Variants in STPG2 observed in about 807,000 individuals in gnomAD.
The protein encoded by STPG2 is sperm tail PG-rich repeat containing 2.
STPG2 carries 56 observed loss-of-function variants against 54.2 expected under a neutral mutation model. The ratio of observed to expected loss-of-function variants is 1.03; its 90% CI spans 0.83 to 1.29. The LOEUF is 1.29. Ranked by LOEUF, STPG2 falls within the 50% of genes most tolerant of loss-of-function variation. The pLI, the probability that STPG2 is intolerant of heterozygous loss-of-function variation, is 0.00. For missense variants in STPG2, 596 were observed against 544.9 expected (o/e 1.09, Z -0.93); for synonymous variants, 200 against 181.8 (o/e 1.10, Z -0.81).
intron 9 of STPG2, among the ~76,000 whole-genome samples, chr4:97,840,166 A>G (rs924699353): frequency 6.6e-6 from 1 of 151,406 alleles, no homozygotes; most frequent in Admixed American, 6.6e-5. Flanking sequence ...TTCTTTCTTT[A>G]TATTTGAAAA....
intron 5 of STPG2, among the ~76,000 whole-genome samples, chr4:98,060,341 C>T (rs1737605876): frequency 6.6e-6 from 1 of 152,022 alleles, no homozygotes; most frequent in African/African-American, 2.4e-5. Context: ...AATAAAATAC[C>T]TAGGAATACA....
chr4:97,771,567 T>C (rs984220819), intron 9 of STPG2, among the ~76,000 whole-genome samples: 1 of 152,040 alleles, frequency 6.6e-6, no homozygotes, highest in African/African-American at 2.4e-5. Context: ...TAGGTGAGCA[T>C]AGCTAGGCAC....
At chr4:97,448,037 G>T (rs1341536903) in intron 4 of STPG2, among the ~76,000 whole-genome samples, 9 of 152,200 alleles carry the variant, frequency 5.9e-5, no homozygotes, top group Admixed American at 3.9e-4. Context: ...TGGAGTCAAA[G>T]GAGATTATTT....
At chr4:97,799,511 C>T (rs1242748280) in intron 9 of STPG2, among the ~76,000 whole-genome samples, 2 of 152,162 alleles carry the variant, frequency 1.3e-5, no homozygotes, top group Non-Finnish European at 1.5e-5. Flanking sequence ...AATATTGGCC[C>T]CCACTCTCTT....
chr4:97,751,142 C>T (rs180753953), intron 9 of STPG2, among the ~76,000 whole-genome samples: 1 of 151,970 alleles, frequency 6.6e-6, no homozygotes, highest in Admixed American at 6.6e-5. Context: ...TTTAACAACA[C>T]TTCTTCCTTG....
intron 5 of STPG2, among the ~76,000 whole-genome samples, chr4:98,097,001 G>A (rs1738879303): frequency 6.6e-6 from 1 of 152,098 alleles, no homozygotes; most frequent in African/African-American, 2.4e-5. Context: ...GTAAAGAAAA[G>A]CCTGGGACGT....
intron 9 of STPG2, among the ~76,000 whole-genome samples, chr4:97,763,797 C>T (rs1460704848): frequency 6.6e-6 from 1 of 152,084 alleles, no homozygotes; most frequent in African/African-American, 2.4e-5. Context: ...TTATCAATAG[C>T]AATCAGTATG....
At chr4:97,841,813 G>GA (rs998974261) in intron 8 of STPG2, among the ~76,000 whole-genome samples, 4 of 151,686 alleles carry the variant, frequency 2.6e-5, no homozygotes, top group Non-Finnish European at 4.4e-5. Context: ...TGAAAAGTGA[G>GA]AAAAATGATA....
At chr4:97,906,393 G>C (rs536765914) in intron 8 of STPG2, among the ~76,000 whole-genome samples, 1 of 152,170 alleles carries the variant, frequency 6.6e-6, no homozygotes, top group African/African-American at 2.4e-5. Context: ...CAACCAAAAA[G>C]AGTCCAGGAC....
At chr4:97,504,948 G>A (rs1730813627) in intron 4 of STPG2, among the ~76,000 whole-genome samples, 1 of 151,926 alleles carries the variant, frequency 6.6e-6, no homozygotes, top group Non-Finnish European at 1.5e-5. Flanking sequence ...AACATTTGTA[G>A]GAATTAGGCT....
chr4:97,631,248 A>G (rs1174994206), intron 10 of STPG2, among the ~76,000 whole-genome samples: 1 of 152,064 alleles, frequency 6.6e-6, no homozygotes, highest in Admixed American at 6.6e-5. Flanking sequence ...ATTCAATATT[A>G]AATTCAGAAG....
chr4:97,583,512 A>G (rs1157751065), intron 10 of STPG2, among the ~76,000 whole-genome samples: 3 of 151,370 alleles, frequency 2.0e-5, no homozygotes, highest in South Asian at 2.1e-4. Context: ...GAACTGACAG[A>G]AAAACATCCT....
intron 10 of STPG2, among the ~76,000 whole-genome samples, chr4:97,703,352 G>A (rs1185965891): frequency 6.8e-6 from 1 of 148,134 alleles, no homozygotes; most frequent in African/African-American, 2.5e-5. Flanking sequence ...ACCAAAATCT[G>A]TATTAGTCAG....
intron 5 of STPG2, among the ~76,000 whole-genome samples, chr4:97,988,494 T>A (rs908043028): frequency 3.9e-5 from 6 of 152,228 alleles, no homozygotes; most frequent in African/African-American, 1.4e-4. Context: ...GCAAGAAGAA[T>A]GGATGGGTAC....
chr4:97,529,720 G>A (rs1731370574), intron 4 of STPG2, among the ~76,000 whole-genome samples: 1 of 152,098 alleles, frequency 6.6e-6, no homozygotes, highest in South Asian at 2.1e-4. Flanking sequence ...GAGCATGTAT[G>A]TATCCAAGAA....
At chr4:98,010,724 GCTGT>G (rs1251697288) in intron 5 of STPG2, among the ~76,000 whole-genome samples, 1 of 151,868 alleles carries the variant, frequency 6.6e-6, no homozygotes, top group Non-Finnish European at 1.5e-5. Context: ...TTTCTCTCTT[GCTGT>G]CTTTCTTTTT....
At chr4:97,985,725 C>T (rs1043832405) in intron 5 of STPG2, among the ~76,000 whole-genome samples, 1 of 152,116 alleles carries the variant, frequency 6.6e-6, no homozygotes, top group Non-Finnish European at 1.5e-5. Flanking sequence ...TCCCCATCAT[C>T]CCCTTAAACC....
intron 8 of STPG2, among the ~76,000 whole-genome samples, chr4:97,930,954 A>G (rs1488620432): frequency 6.6e-6 from 1 of 152,082 alleles, no homozygotes; most frequent in Non-Finnish European, 1.5e-5. Flanking sequence ...GCCTTTGTGA[A>G]TGAGTTCATT....
intron 8 of STPG2, among the ~76,000 whole-genome samples, chr4:97,942,127 A>T (rs1733007221): frequency 6.7e-6 from 1 of 149,524 alleles, no homozygotes; most frequent in African/African-American, 2.5e-5. Context: ...CGTTTTAAAT[A>T]TATATATGTG....
Sources: allele counts gnomAD v4.1 joint callset (sites outside exome capture counted in the v4.1 genomes callset), GRCh38; gene constraint gnomAD v4.1.1; transcripts MANE v1.5; gene names NCBI Gene and HGNC (gene_info 2026-07-23, HGNC 2026-07-21).